The following CDKAL1 variants were observed in gnomAD, a reference collection of about 807,000 sequenced individuals.
The protein encoded by CDKAL1 is threonylcarbamoyladenosine tRNA methylthiotransferase.
CDKAL1 carries 32 observed loss-of-function variants against 68.2 expected under a neutral mutation model. The observed-to-expected ratio is 0.47, with a 90% CI of 0.35 to 0.63. The LOEUF is 0.63. Among genes scored for constraint, CDKAL1 ranks in the 30% least tolerant of loss-of-function variants. The pLI, the probability that CDKAL1 is intolerant of heterozygous loss-of-function variation, is 0.00. For synonymous variants in CDKAL1, 234 were observed against 244.3 expected, an observed-to-expected ratio of 0.96 and a Z score of 0.39; for missense variants, 606 against 696.7, an observed-to-expected ratio of 0.87 and a Z score of 1.47.
chr6:20,544,257 C>G (rs1438378263), intron 2 of CDKAL1, among the ~76,000 whole-genome samples: 1 of 152,044 alleles, frequency 6.6e-6, no homozygotes, highest in African/African-American at 2.4e-5. Flanking sequence ...TTCTATCCCT[C>G]TACCAATACC....
intron 11 of CDKAL1, among the ~76,000 whole-genome samples, chr6:21,054,840 T>C (rs1770741678): frequency 6.6e-6 from 1 of 152,058 alleles, no homozygotes; most frequent in South Asian, 2.1e-4. Context: ...TAAACTCACT[T>C]ATTCTAGTAG....
At chr6:20,647,731 T>A (rs11965062) in intron 4 of CDKAL1, among the ~76,000 whole-genome samples, 61,697 of 151,834 alleles carry the variant, frequency 0.41, 12,798 homozygotes, top group Middle Eastern at 0.48. Flanking sequence ...CTTTTCTGAG[T>A]TGAGTAGGGA....
At chr6:20,925,736 A>C (rs1763155158) in intron 9 of CDKAL1, among the ~76,000 whole-genome samples, 1 of 152,184 alleles carries the variant, frequency 6.6e-6, no homozygotes, top group South Asian at 2.1e-4. Flanking sequence ...AAATGATACT[A>C]ATGATAACAC....
intron 13 of CDKAL1, among the ~76,000 whole-genome samples, chr6:21,155,689 T>C (rs1245130383): frequency 6.6e-6 from 1 of 152,216 alleles, no homozygotes; most frequent in Non-Finnish European, 1.5e-5. Context: ...ACTTTGCAAT[T>C]TGGTGATTAT....
At chr6:20,796,453 G>A (rs1776113309) in intron 8 of CDKAL1, among the ~76,000 whole-genome samples, 1 of 152,172 alleles carries the variant, frequency 6.6e-6, no homozygotes, top group South Asian at 2.1e-4. Context: ...ACAAATTCCA[G>A]TAAGATTTTT....
chr6:21,041,161 T>G (rs1263896447), intron 11 of CDKAL1, among the ~76,000 whole-genome samples: 10 of 152,170 alleles, frequency 6.6e-5, no homozygotes, highest in Non-Finnish European at 1.5e-4. Flanking sequence ...TAAACCAGAC[T>G]GAGATTACTT....
chr6:21,133,806 C>T (rs1775445333), intron 13 of CDKAL1, among the ~76,000 whole-genome samples: 1 of 152,066 alleles, frequency 6.6e-6, no homozygotes, highest in Non-Finnish European at 1.5e-5. Flanking sequence ...CCCACTAGTA[C>T]ATTTGTTTAT....
intron 4 of CDKAL1, among the ~76,000 whole-genome samples, chr6:20,582,243 T>G (rs1203140084): frequency 2.0e-5 from 3 of 152,180 alleles, no homozygotes; most frequent in Non-Finnish European, 1.5e-5. Context: ...TTCTTGTCTT[T>G]ATTTTTTCAA....
At chr6:20,742,821 A>T (rs963300445) in intron 6 of CDKAL1, among the ~76,000 whole-genome samples, 2 of 152,006 alleles carry the variant, frequency 1.3e-5, no homozygotes, top group African/African-American at 4.8e-5. Context: ...ATTATTTGTT[A>T]ATATCATTTT....
chr6:20,589,828 A>T (rs950239753), intron 4 of CDKAL1, among the ~76,000 whole-genome samples: 4 of 152,190 alleles, frequency 2.6e-5, no homozygotes, highest in Admixed American at 6.5e-5. Flanking sequence ...AGAGTTATAC[A>T]CTGACTTTAA....
At chr6:20,674,836 G>T (rs1212271644) in intron 5 of CDKAL1, among the ~76,000 whole-genome samples, 1 of 151,996 alleles carries the variant, frequency 6.6e-6, no homozygotes, top group Non-Finnish European at 1.5e-5. Context: ...TTCTGTGCCT[G>T]GATTATTTCA....
chr6:21,182,915 C>T (rs1777846151), intron 13 of CDKAL1, among the ~76,000 whole-genome samples: 1 of 152,106 alleles, frequency 6.6e-6, no homozygotes. Flanking sequence ...AGGTTTTGAT[C>T]ACATATAAGC....
intron 10 of CDKAL1, among the ~76,000 whole-genome samples, chr6:20,997,055 A>G (rs1470180115): frequency 6.6e-6 from 1 of 152,244 alleles, no homozygotes; most frequent in East Asian, 1.9e-4. Flanking sequence ...GTTGTAACCC[A>G]TATCTGTATT....
At chr6:21,091,956 G>A (rs1196578887) in intron 12 of CDKAL1, among the ~76,000 whole-genome samples, 4 of 129,822 alleles carry the variant, frequency 3.1e-5, no homozygotes, top group Non-Finnish European at 4.7e-5. Context: ...GCGTGATCTC[G>A]GCTCACTGCA....
chr6:20,958,677 C>T (rs2150732855), intron 10 of CDKAL1, among the ~76,000 whole-genome samples: 1 of 152,230 alleles, frequency 6.6e-6, no homozygotes, highest in East Asian at 1.9e-4. Context: ...TGAAGGAATC[C>T]ACTCTTGAAA....
At chr6:21,045,761 A>G (rs1490827320) in intron 11 of CDKAL1, among the ~76,000 whole-genome samples, 1 of 152,158 alleles carries the variant, frequency 6.6e-6, no homozygotes. Context: ...TTTTAATATG[A>G]GAGTAGCAAT....
intron 6 of CDKAL1, among the ~76,000 whole-genome samples, chr6:20,748,554 G>GAAAAAAAAA (rs1773762406): frequency 1.3e-5 from 1 of 77,106 alleles, no homozygotes; most frequent in African/African-American, 4.8e-5. Context: ...CTCTGTTTCT[G>GAAAAAAAAA]GAAAAAAAAA....
intron 9 of CDKAL1, 63 bp downstream of exon 9, chr6:20,846,241 G>GTAATA: frequency 1.0e-6 from 1 of 994,160 alleles, no homozygotes; most frequent in Non-Finnish European, 1.5e-6. Flanking sequence ...AGCCTTCTAA[G>GTAATA]TAATACTTCA....
chr6:20,916,874 A>G (rs1291755569), intron 9 of CDKAL1, among the ~76,000 whole-genome samples: 1 of 151,822 alleles, frequency 6.6e-6, no homozygotes, highest in Non-Finnish European at 1.5e-5. Flanking sequence ...GTATACCAAA[A>G]CAATAACAAA....
Sources: gnomAD v4.1 joint callset for allele counts (sites outside exome capture counted in the v4.1 genomes callset) on GRCh38, gnomAD v4.1.1 for gene constraint, MANE v1.5 for transcripts, NCBI Gene and HGNC (gene_info 2026-07-23, HGNC 2026-07-21) for gene names.